The following UGT1A9 variants were observed in gnomAD, a reference collection of about 807,000 sequenced individuals.
The protein encoded by UGT1A9 is UDP-glucuronosyltransferase 1A9.
Under a neutral mutation model 45.0 loss-of-function variants are expected in UGT1A9, and 35 were observed. The observed-to-expected ratio is 0.78, with a 90% CI of 0.59 to 1.03. UGT1A9 has a LOEUF of 1.03. Among genes scored for constraint, UGT1A9 ranks in the 50% least tolerant of loss-of-function variants. UGT1A9 has a pLI of 0.00. For synonymous variants in UGT1A9, 278 were observed against 250.6 expected (o/e 1.11, Z -1.03); for missense variants, 687 against 666.6 (o/e 1.03, Z -0.34).
intron 1 of UGT1A9, among the ~76,000 whole-genome samples, chr2:233,734,124 A>T (rs533243585): frequency 1.8e-3 from 273 of 151,048 alleles, no homozygotes; most frequent in Non-Finnish European, 3.0e-3. Context: ...ATAATAATAA[A>T]AAGAATTTGG....
At chr2:233,705,343 T>A (rs2075842379) in intron 1 of UGT1A9, among the ~76,000 whole-genome samples, 1 of 152,224 alleles carries the variant, frequency 6.6e-6, no homozygotes, top group South Asian at 2.1e-4. Flanking sequence ...TCAATTTTTG[T>A]CTTATTACAT....
intron 1 of UGT1A9, among the ~76,000 whole-genome samples, chr2:233,730,881 T>C (rs2078083479): frequency 6.6e-6 from 1 of 152,122 alleles, no homozygotes. Context: ...CAGGTTTCTA[T>C]AGTGGGATCT....
chr2:233,710,625 T>C (rs924803053), intron 1 of UGT1A9, among the ~76,000 whole-genome samples: 8 of 152,198 alleles, frequency 5.3e-5, no homozygotes, highest in African/African-American at 1.9e-4. Flanking sequence ...TATATTTGAG[T>C]AGTGAGTTCT....
rs753135501 is a variant in UGT1A9 at position 233,713,577 on chromosome 2, A to G, written c.855+40788A>G. 3.1e-6 allele frequency: 5 copies of G among 1,613,836 alleles called. No homozygotes were observed. The African/African-American group carries it at 5.3e-5, about 17-fold the overall frequency. ...TCCAAACCCTTCCTCCTATATTCCTAGATTACTAACGACCAATTCAGACCA... is the reference window on the plus strand; with the variant it reads ...TCCAAACCCTTCCTCCTATATTCCTGGATTACTAACGACCAATTCAGACCA... On this transcript the variant is annotated intron_variant, in intron 1 of 4. Coordinates refer to ENST00000354728, the MANE Select transcript of UGT1A9 (RefSeq NM_021027.3).
At chr2:233,754,678 C>A (rs1419838969) in intron 1 of UGT1A9, 1 of 475,568 alleles carries the variant, frequency 2.1e-6, no homozygotes, top group Non-Finnish European at 4.1e-6. Context: ...TTTTTACCAT[C>A]AACTATTTCA....
chr2:233,688,714 C>G (rs2074911087), intron 1 of UGT1A9, among the ~76,000 whole-genome samples: 1 of 152,160 alleles, frequency 6.6e-6, no homozygotes, highest in African/African-American at 2.4e-5. Flanking sequence ...GAACAAATAT[C>G]TGTTGAGAGT....
chr2:233,754,914 A>T, intron 1 of UGT1A9: 1 of 1,353,596 alleles, frequency 7.4e-7, no homozygotes. Flanking sequence ...AATATTCTCC[A>T]GCGGGTTTCC....
intron 1 of UGT1A9, among the ~76,000 whole-genome samples, chr2:233,762,016 T>C (rs1483178639): frequency 3.9e-5 from 6 of 152,180 alleles, no homozygotes; most frequent in Non-Finnish European, 2.9e-5. Flanking sequence ...CAATGTGATT[T>C]GTATTTTATT....
intron 1 of UGT1A9, chr2:233,719,109 A>G (rs1473237971): frequency 1.9e-6 from 3 of 1,614,122 alleles, no homozygotes; most frequent in South Asian, 2.2e-5. Flanking sequence ...GCTGGGCTAC[A>G]CTCAAGGGTT....
chr2:233,682,702 T>A (rs1454428340), intron 1 of UGT1A9: 1 of 1,613,904 alleles, frequency 6.2e-7, no homozygotes, highest in Admixed American at 1.7e-5. Flanking sequence ...TGTTGCGAAC[T>A]GACTTTGTTT....
chr2:233,765,364 C>T (rs1321623468), intron 1 of UGT1A9, among the ~76,000 whole-genome samples: 1 of 152,168 alleles, frequency 6.6e-6, no homozygotes, highest in African/African-American at 2.4e-5. Flanking sequence ...CCCAGATGCC[C>T]ATCAATGGTA....
intron 1 of UGT1A9, among the ~76,000 whole-genome samples, chr2:233,725,885 A>G (rs2077481467): frequency 6.6e-6 from 1 of 152,174 alleles, no homozygotes; most frequent in Admixed American, 6.5e-5. Flanking sequence ...AATGATTTGT[A>G]GGCAGGTGGG....
At chr2:233,701,810 C>T (rs1265749289) in intron 1 of UGT1A9, among the ~76,000 whole-genome samples, 1 of 152,034 alleles carries the variant, frequency 6.6e-6, no homozygotes, top group African/African-American at 2.4e-5. Flanking sequence ...AACAAAGACA[C>T]AACATACCAG....
chr2:233,725,967 A>G (rs2077486962), intron 1 of UGT1A9, among the ~76,000 whole-genome samples: 1 of 152,078 alleles, frequency 6.6e-6, no homozygotes, highest in Non-Finnish European at 1.5e-5. Flanking sequence ...GGAGTCTGAG[A>G]GCAGCCTGGG....
chr2:233,704,862 G>A (rs991681240), intron 1 of UGT1A9, among the ~76,000 whole-genome samples: 2 of 152,054 alleles, frequency 1.3e-5, no homozygotes, highest in Non-Finnish European at 2.9e-5. Flanking sequence ...GGCCGGGCAC[G>A]GTGGCTCACT....
intron 1 of UGT1A9, chr2:233,708,627 T>C (rs2076026553): frequency 6.6e-6 from 1 of 152,184 alleles, no homozygotes; most frequent in Non-Finnish European, 1.5e-5. Flanking sequence ...AGCGTGTGCC[T>C]GTAGACCTAA....
At chr2:233,746,424 C>T (rs1693388244) in intron 1 of UGT1A9, among the ~76,000 whole-genome samples, 1 of 151,702 alleles carries the variant, frequency 6.6e-6, no homozygotes, top group South Asian at 2.1e-4. Context: ...GACCTATTAA[C>T]TTATGTCTTC....
chr2:233,772,331 C>T lies in UGT1A9; in HGVS notation c.1365C>T (p.Ala455=), dbSNP rs755348390. 16 of 1,614,018 alleles carry T rather than the reference C, an allele frequency of 9.9e-6. No homozygotes were observed. The highest frequency in any genetic ancestry group is 5.0e-5 in the Admixed American group (3 of 59,996). The change falls in exon 5 of 5, where the codon GCC becomes GCT. Residue 455 remains alanine (A), a synonymous_variant. Coordinates refer to ENST00000354728, the MANE Select transcript of UGT1A9 (RefSeq NM_021027.3). ...KDRPVEPLDL[A]VFWVEFVMRH... is the part of the protein sequence containing the mutation. ...GCCCGGTGGAGCCGCTGGACCTGGC[C>T]GTGTTCTGGGTGGAGTTTGTGATGA...
chr2:233,699,086 C>G (rs1303694142), intron 1 of UGT1A9, among the ~76,000 whole-genome samples: 1 of 152,218 alleles, frequency 6.6e-6, no homozygotes, highest in Non-Finnish European at 1.5e-5. Context: ...TCTCTCTAGC[C>G]CTGTGCACCT....
Sources: gnomAD v4.1 joint callset for allele counts (sites outside exome capture counted in the v4.1 genomes callset) on GRCh38, gnomAD v4.1.1 for gene constraint, MANE v1.5 for transcripts, NCBI Gene and HGNC (gene_info 2026-07-23, HGNC 2026-07-21) for gene names.